RBFOX1: variants seen among roughly 807,000 people sequenced by gnomAD.
The protein encoded by RBFOX1 is RNA binding fox-1 homolog 1, also known as RNA binding protein fox-1 homolog 1.
Under a neutral mutation model 57.7 loss-of-function variants are expected in RBFOX1, and 8 were observed. The observed-to-expected ratio is 0.14, with a 90% confidence interval of 0.08 to 0.25. The LOEUF is 0.25. Among genes scored for constraint, RBFOX1 ranks in the 10% least tolerant of loss-of-function variants. The pLI, the probability that RBFOX1 is intolerant of heterozygous loss-of-function variation, is 1.00. For synonymous variants in RBFOX1, 326 were observed against 222.4 expected, an observed-to-expected ratio of 1.47 and a Z score of -4.15; for missense variants, 611 against 548.5, an observed-to-expected ratio of 1.11 and a Z score of -1.14.
intron 1 of RBFOX1, among the ~76,000 whole-genome samples, chr16:5,306,634 A>T (rs2063942364): frequency 6.6e-6 from 1 of 152,088 alleles, no homozygotes; most frequent in African/African-American, 2.4e-5. Context: ...TGATGATTAG[A>T]GCTTTATCAT....
intron 1 of RBFOX1, among the ~76,000 whole-genome samples, chr16:6,140,627 C>T (rs1254551718): frequency 1.3e-5 from 2 of 152,128 alleles, no homozygotes; most frequent in South Asian, 2.1e-4. Context: ...TTGCTGCCTC[C>T]CTGTCTTGAT....
At chr16:6,631,352 T>G (rs1251021054) in intron 2 of RBFOX1, among the ~76,000 whole-genome samples, 1 of 152,134 alleles carries the variant, frequency 6.6e-6, no homozygotes, top group African/African-American at 2.4e-5. Context: ...AGTAGAACCT[T>G]ATAAAGAAGA....
At chr16:6,650,320 C>G (rs2098575728) in intron 2 of RBFOX1, among the ~76,000 whole-genome samples, 1 of 151,510 alleles carries the variant, frequency 6.6e-6, no homozygotes, top group South Asian at 2.1e-4. Flanking sequence ...ACCCCTTCTT[C>G]CCATAGCAAG....
Position 6,898,007 on chromosome 16 carries a change from A to G in RBFOX1, c.-15-154050A>G, listed in dbSNP as rs116685023. Among the ~76,000 whole-genome samples the G allele has an allele frequency of 3.4e-3, 521 of 152,284 alleles. 4 individuals carry two copies. Among genetic ancestry groups the G allele is most frequent in the African/African-American group, 0.012 (489 of 41,568 alleles). On this transcript the variant is annotated intron_variant, in intron 3 of 15. Coordinates refer to ENST00000550418, the MANE Select transcript of RBFOX1 (RefSeq NM_018723.4). ...AACTCTGCTAAACTACAGGCTCCAC[A>G]TGGACAAGAGACCAGGTCAGGTTTT...
At chr16:7,623,476 C>A (rs1325015991) in intron 10 of RBFOX1, among the ~76,000 whole-genome samples, 1 of 152,112 alleles carries the variant, frequency 6.6e-6, no homozygotes, top group Admixed American at 6.6e-5. Flanking sequence ...AACACACAAC[C>A]AAGATCCCTA....
intron 3 of RBFOX1, among the ~76,000 whole-genome samples, chr16:5,816,369 C>T (rs1261895086): frequency 6.6e-6 from 1 of 152,156 alleles, no homozygotes; most frequent in Admixed American, 6.5e-5. Context: ...TGAAGCAGCA[C>T]CTCTCTACAG....
intron 4 of RBFOX1, among the ~76,000 whole-genome samples, chr16:5,898,624 C>T (rs1295001216): frequency 2.6e-5 from 4 of 151,402 alleles, no homozygotes; most frequent in East Asian, 3.9e-4. Flanking sequence ...ATGAATGAAT[C>T]AAGGCCCAGA....
At chr16:6,783,789 T>G (rs1175747121) in intron 3 of RBFOX1, among the ~76,000 whole-genome samples, 1 of 152,184 alleles carries the variant, frequency 6.6e-6, no homozygotes, top group Non-Finnish European at 1.5e-5. Flanking sequence ...CTGTCTTTCA[T>G]ATTGAAGAAC....
At chr16:6,802,733 C>T (rs527524655) in intron 3 of RBFOX1, among the ~76,000 whole-genome samples, 3 of 152,154 alleles carry the variant, frequency 2.0e-5, no homozygotes, top group Non-Finnish European at 2.9e-5. Context: ...TTATTCATTT[C>T]GGCAAAAGCC....
chr16:6,895,280 C>T (rs1403152433), intron 3 of RBFOX1, among the ~76,000 whole-genome samples: 1 of 151,364 alleles, frequency 6.6e-6, no homozygotes, highest in African/African-American at 2.4e-5. Context: ...TTCCCAGAAT[C>T]CCCTGGATAG....
chr16:6,136,703 T>C (rs2152690315), intron 1 of RBFOX1, among the ~76,000 whole-genome samples: 1 of 152,244 alleles, frequency 6.6e-6, no homozygotes, highest in Admixed American at 6.5e-5. Context: ...TAAGGAAGCA[T>C]TTCTCTTCAA....
At chr16:7,357,125 C>T (rs116935860) in intron 4 of RBFOX1, among the ~76,000 whole-genome samples, 7,108 of 152,026 alleles carry the variant, frequency 0.047, 240 homozygotes, top group Non-Finnish European at 0.068. Context: ...GGAGAAGAAA[C>T]TGTGTGCTCG....
At chr16:5,610,015 C>T (rs1455883088) in intron 3 of RBFOX1, among the ~76,000 whole-genome samples, 3 of 152,202 alleles carry the variant, frequency 2.0e-5, no homozygotes, top group African/African-American at 7.2e-5. Context: ...TAGCACCCTT[C>T]TTCTTTTCTT....
chr16:7,659,401 C>T (rs796749880), intron 12 of RBFOX1, among the ~76,000 whole-genome samples: 2 of 152,138 alleles, frequency 1.3e-5, no homozygotes, highest in African/African-American at 2.4e-5. Flanking sequence ...AAATCCGCAA[C>T]CTGTAGTATC....
intron 4 of RBFOX1, among the ~76,000 whole-genome samples, chr16:7,398,647 G>C (rs2098182765): frequency 6.6e-6 from 1 of 152,214 alleles, no homozygotes; most frequent in African/African-American, 2.4e-5. Flanking sequence ...GACTGCCAGA[G>C]AGGCAATTTT....
chr16:6,515,008 T>C (rs1367053990), intron 2 of RBFOX1, among the ~76,000 whole-genome samples: 2 of 151,968 alleles, frequency 1.3e-5, no homozygotes, highest in Non-Finnish European at 2.9e-5. Context: ...AACAGTGTAG[T>C]ATTAGCACAT....
intron 2 of RBFOX1, among the ~76,000 whole-genome samples, chr16:6,416,712 C>G (rs1044005991): frequency 6.6e-5 from 10 of 152,156 alleles, no homozygotes; most frequent in Non-Finnish European, 1.5e-4. Flanking sequence ...GCATTCGCAC[C>G]TGTCAGCACT....
At chr16:5,506,909 A>G (rs758306523) in intron 2 of RBFOX1, among the ~76,000 whole-genome samples, 2 of 152,188 alleles carry the variant, frequency 1.3e-5, no homozygotes, top group Non-Finnish European at 2.9e-5. Flanking sequence ...ACCCACTCCA[A>G]TCTGGAGTCC....
chr16:6,991,104 C>A (rs1009124881), intron 3 of RBFOX1, among the ~76,000 whole-genome samples: 3 of 134,910 alleles, frequency 2.2e-5, no homozygotes, highest in Admixed American at 8.3e-5. Flanking sequence ...AAGTTCGAGG[C>A]CATCCTAGGC....
Sources: allele counts gnomAD v4.1 joint callset (sites outside exome capture counted in the v4.1 genomes callset), GRCh38; gene constraint gnomAD v4.1.1; transcripts MANE v1.5; gene names NCBI Gene and HGNC (gene_info 2026-07-23, HGNC 2026-07-21).